The following ASH1L variants were observed in gnomAD, a reference collection of about 807,000 sequenced individuals.
ASH1L encodes the protein histone-lysine N-methyltransferase ASH1L.
Under a neutral mutation model 269.0 loss-of-function variants are expected in ASH1L, and 23 were observed. That is an observed-to-expected ratio of 0.09 (90% CI 0.06 to 0.12). The LOEUF is 0.12. Ranked by LOEUF, ASH1L falls within the 10% of genes least tolerant of loss-of-function variation. The probability of loss-of-function intolerance (pLI) is 1.00; values close to 1 mark genes in which losing one functional copy is unlikely to be tolerated. For synonymous variants in ASH1L, 1,187 were observed against 1,253.5 expected, an observed-to-expected ratio of 0.95 and a Z score of 1.12; for missense variants, 2,912 against 3,567.8, an observed-to-expected ratio of 0.82 and a Z score of 4.68.
intron 1 of ASH1L, among the ~76,000 whole-genome samples, chr1:155,544,443 C>T (rs1670653669): frequency 6.6e-6 from 1 of 151,862 alleles, no homozygotes; most frequent in South Asian, 2.1e-4. Flanking sequence ...CCTGCAACCA[C>T]GACCAGCCAA....
rs1192816042 is a variant in ASH1L, at chr1:155,343,237, TC to T, written c.8293+76del. The T allele has an allele frequency of 5.3e-6, 8 of 1,505,490 alleles. No homozygotes were observed. In the East Asian group the frequency reaches 1.6e-4, roughly 30 times the overall value. 93.3% of individuals were successfully genotyped at this position (1,505,490 alleles called of 1,614,324 possible). ...CTTAAGCAATCTGCCTGCCTCGGCC[TC>T]CCACACCGCTGGGATTATCAGCGTG... On this transcript the variant is annotated intron_variant, in intron 24 of 27. Transcript: ENST00000392403. The surrounding 1 kb of genome is among the most constrained non-coding windows in gnomAD (Gnocchi z 6.1).
At chr1:155,545,647 T>C (rs2148898404) in intron 1 of ASH1L, among the ~76,000 whole-genome samples, 1 of 151,864 alleles carries the variant, frequency 6.6e-6, no homozygotes, top group South Asian at 2.1e-4. Flanking sequence ...GGAAAAAAAT[T>C]ATATATACAC....
chr1:155,493,975 C>A (rs976412548), intron 2 of ASH1L, among the ~76,000 whole-genome samples: 2 of 152,070 alleles, frequency 1.3e-5, no homozygotes, highest in Non-Finnish European at 2.9e-5. Flanking sequence ...AAAACATCTT[C>A]CTCCATGGAG....
At chr1:155,550,024 CCT>C (rs1277336570) in intron 1 of ASH1L, among the ~76,000 whole-genome samples, 2 of 132,814 alleles carry the variant, frequency 1.5e-5, no homozygotes, top group African/African-American at 6.0e-5. Context: ...ATCACGATAG[CCT>C]CTTTTTTTTT....
intron 6 of ASH1L, among the ~76,000 whole-genome samples, chr1:155,403,337 C>T (rs1468211321): frequency 6.6e-6 from 1 of 152,080 alleles, no homozygotes; most frequent in Non-Finnish European, 1.5e-5. Flanking sequence ...ACCAAAAAAA[C>T]CCACAAAAGA....
At chr1:155,360,457 T>G in intron 12 of ASH1L, 48 bp from the exon 13 acceptor site, 1 of 1,304,694 alleles carries the variant, frequency 7.7e-7, no homozygotes. Context: ...TTTTTTTTTT[T>G]TTTTGAGACG....
chr1:155,351,183 T>G (rs1653886042), intron 17 of ASH1L, among the ~76,000 whole-genome samples: 1 of 150,438 alleles, frequency 6.6e-6, no homozygotes. Flanking sequence ...AGGCAGAGGT[T>G]GCAGTGAGCC....
intron 6 of ASH1L, among the ~76,000 whole-genome samples, chr1:155,409,086 G>A (rs896363498): frequency 2.0e-5 from 3 of 151,780 alleles, no homozygotes; most frequent in Non-Finnish European, 4.4e-5. Context: ...GTTCAGTGGC[G>A]CAATCTCAGC....
At chr1:155,446,164 G>A (rs80029115) in intron 4 of ASH1L, among the ~76,000 whole-genome samples, 38 of 151,410 alleles carry the variant, frequency 2.5e-4, no homozygotes, top group African/African-American at 3.9e-4. Flanking sequence ...GATTACAGGC[G>A]TGAGCCACCG....
At position 155,415,669 on chromosome 1, in the gene ASH1L, TG is replaced by T. The variant is rs574444111; in HGVS notation, c.6008+74del. 8.4e-5 allele frequency: 125 copies of T among 1,483,364 alleles called. 1 individual carries two copies. The African/African-American group carries it at 1.7e-3, about 20-fold the overall frequency. The allele number at this position is 1,483,364 out of a possible 1,614,324, so 91.9% of individuals were successfully genotyped here. ...TTATGAAACACAAAAGAATCTATAT[TG>T]TTTTTTGATAGTCAAAGTATTTTTC... On this transcript the variant is annotated intron_variant, in intron 6 of 27. Transcript: ENST00000392403.
chr1:155,517,570 G>A (rs1668575440), intron 2 of ASH1L, among the ~76,000 whole-genome samples: 1 of 151,794 alleles, frequency 6.6e-6, no homozygotes, highest in Non-Finnish European at 1.5e-5. Context: ...AACCCAGGAG[G>A]CAGAGGCTGC....
chr1:155,440,970 C>T lies in ASH1L; in HGVS notation c.5087-1902G>A, dbSNP rs548875914. Among the ~76,000 whole-genome samples, 6 of 152,250 alleles carry T rather than the reference C, an allele frequency of 3.9e-5. No homozygotes were observed. In the East Asian group the frequency reaches 1.2e-3, roughly 29 times the overall value. ...ACGTTGGTTATCTAAGCTCAGGCCA[C>T]ATCATTTATTCTGGCTCCTTCACCC... On this transcript the variant is annotated intron_variant, in intron 4 of 27. Transcript: ENST00000392403.
intron 4 of ASH1L, among the ~76,000 whole-genome samples, chr1:155,458,481 G>A (rs945027777): frequency 6.6e-6 from 1 of 152,208 alleles, no homozygotes; most frequent in Non-Finnish European, 1.5e-5. Flanking sequence ...TTTGGAGGCT[G>A]AGGCCGGCAG....
chr1:155,520,776 T>G (rs1378097773), intron 2 of ASH1L, among the ~76,000 whole-genome samples: 1 of 151,656 alleles, frequency 6.6e-6, no homozygotes. Context: ...GCAGGAGAAC[T>G]GCTTGAACCC....
intron 1 of ASH1L, among the ~76,000 whole-genome samples, chr1:155,553,729 G>A (rs1671372903): frequency 6.6e-6 from 1 of 151,866 alleles, no homozygotes. Flanking sequence ...ATCGTAGTAT[G>A]TTTGTTAACA....
rs367703789 is a variant in ASH1L at position 155,354,517 on chromosome 1, G to A, written c.7169C>T (p.Thr2390Ile). 6.2e-7 allele frequency: 1 copy of A among 1,613,692 alleles called. No individual in the cohort carries two copies. The highest frequency in any genetic ancestry group is 8.5e-7 in the Non-Finnish European group (1 of 1,179,858). The part of the protein sequence containing the change: ...SDNIHSASLY[T>I]RWNGICRDDG... ...ATCTCGGCAGATCCCATTCCAACGG[G>A]TATATAATGATGCTGAGTGAATATT... is the stretch of plus-strand genomic sequence containing the variant. The change falls in exon 16 of 28, where the codon ACC becomes ATC. Residue 2390 changes from threonine to isoleucine, a missense_variant. Physicochemically the swap from Thr to Ile is moderately conservative, Grantham distance 89. This residue lies in a region of ASH1L where 309 missense variants were observed against 435.1 expected (regional missense o/e 0.71). Transcript: ENST00000392403.
At chr1:155,543,724 G>T (rs1363480670) in intron 1 of ASH1L, among the ~76,000 whole-genome samples, 1 of 151,916 alleles carries the variant, frequency 6.6e-6, no homozygotes, top group African/African-American at 2.4e-5. Flanking sequence ...CTGAGGCCAG[G>T]AGTTCAAGAC....
chr1:155,505,100 T>C (rs1281409754), intron 2 of ASH1L, among the ~76,000 whole-genome samples: 2 of 152,170 alleles, frequency 1.3e-5, no homozygotes, highest in Non-Finnish European at 2.9e-5. Context: ...TTTGTTTTTT[T>C]CCACTGCGCC....
intron 4 of ASH1L, among the ~76,000 whole-genome samples, chr1:155,459,131 C>G (rs1022093983): frequency 1.3e-5 from 2 of 151,970 alleles, no homozygotes; most frequent in African/African-American, 4.8e-5. Context: ...TCCTCATGAA[C>G]TCTTAATTAT....
Sources: gnomAD v4.1 joint callset for allele counts (sites outside exome capture counted in the v4.1 genomes callset) on GRCh38, gnomAD v4.1.1 for gene constraint, gnomAD v4.1.1 regional missense constraint, Gnocchi (gnomAD v3.1) non-coding constraint, MANE v1.5 for transcripts, NCBI Gene and HGNC (gene_info 2026-07-23, HGNC 2026-07-21) for gene names.